Variants in EHBP1 observed in about 807,000 individuals in gnomAD.
EHBP1 encodes EH domain binding protein 1.
EHBP1 carries 55 observed loss-of-function variants against 144.0 expected under a neutral mutation model. The ratio of observed to expected loss-of-function variants is 0.38; its 90% confidence interval spans 0.31 to 0.48. EHBP1 has a LOEUF of 0.48. Among genes scored for constraint, EHBP1 ranks in the 20% least tolerant of loss-of-function variants. EHBP1 has a pLI of 0.98. For synonymous variants in EHBP1, 469 were observed against 472.7 expected (o/e 0.99, Z 0.10); for missense variants, 1,200 against 1,364.2 (o/e 0.88, Z 1.90).
intron 14 of EHBP1, among the ~76,000 whole-genome samples, chr2:62,959,179 T>C (rs983820197): frequency 1.3e-5 from 2 of 152,224 alleles, no homozygotes; most frequent in African/African-American, 4.8e-5. Flanking sequence ...TCATCAAGGC[T>C]CATCTATGTT....
chr2:62,981,406 A>G (rs2058964704), intron 15 of EHBP1, among the ~76,000 whole-genome samples: 1 of 152,236 alleles, frequency 6.6e-6, no homozygotes, highest in Non-Finnish European at 1.5e-5. Flanking sequence ...TTCCTGTGGC[A>G]TCATAAAGCC....
In EHBP1 at chr2:63,036,740, C is replaced by CCAAA. The variant is rs144571787; in HGVS notation, c.3104-792_3104-789dup. ...TGGCCTACTTCTACATGAACAAATG[C>CCAAA]CAAACATATACTATATTATAATCCT... is the stretch of plus-strand genomic sequence containing the variant. On this transcript the variant is annotated intron_variant, in intron 19 of 22. Coordinates refer to ENST00000431489, the MANE Select transcript of EHBP1 (RefSeq NM_001142616.3). 5.3e-3 allele frequency among the ~76,000 whole-genome samples: 808 copies of CCAAA among 151,882 alleles called. 6 individuals carry two copies. The highest frequency in any genetic ancestry group is 0.019 in the African/African-American group (773 of 41,474).
chr2:62,809,292 GAAAAAAAAAA>G (rs985494969), intron 5 of EHBP1, among the ~76,000 whole-genome samples: 1 of 46,574 alleles, frequency 2.1e-5, no homozygotes, highest in Non-Finnish European at 4.5e-5. Flanking sequence ...CTATGTCTCA[GAAAAAAAAAA>G]AAAAAAAAAA....
At chr2:62,858,498 A>T (rs2152788867) in intron 7 of EHBP1, 1 of 1,609,808 alleles carries the variant, frequency 6.2e-7, no homozygotes, top group South Asian at 1.1e-5. Context: ...TAAATCAGCC[A>T]GTTCCTCTGA....
At chr2:62,709,043 A>C (rs1490548824) in intron 2 of EHBP1, among the ~76,000 whole-genome samples, 1 of 152,200 alleles carries the variant, frequency 6.6e-6, no homozygotes, top group Non-Finnish European at 1.5e-5. Context: ...CAGAAGAGAC[A>C]TTAGGTTTGC....
chr2:62,788,703 C>G (rs1284509828), intron 5 of EHBP1, among the ~76,000 whole-genome samples: 1 of 152,058 alleles, frequency 6.6e-6, no homozygotes, highest in Non-Finnish European at 1.5e-5. Flanking sequence ...TTATATTCTT[C>G]TTACCTGTTT....
At chr2:62,749,141 C>A (rs1476794983) in intron 3 of EHBP1, among the ~76,000 whole-genome samples, 1 of 152,140 alleles carries the variant, frequency 6.6e-6, no homozygotes, top group African/African-American at 2.4e-5. Context: ...CCCATCCCCC[C>A]ACCCCACAAC....
chr2:62,881,373 A>G (rs544486302), intron 10 of EHBP1, among the ~76,000 whole-genome samples: 1 of 150,324 alleles, frequency 6.7e-6, no homozygotes, highest in African/African-American at 2.4e-5. Flanking sequence ...ACAAACCCAC[A>G]CATGTACGTC....
chr2:62,680,174 T>A (rs1158188913), intron 1 of EHBP1, among the ~76,000 whole-genome samples: 3 of 152,208 alleles, frequency 2.0e-5, no homozygotes, highest in Non-Finnish European at 2.9e-5. Flanking sequence ...AAAGTTCTAT[T>A]TTTAGCTGGA....
chr2:62,865,164 G>A (rs982822625), intron 9 of EHBP1, among the ~76,000 whole-genome samples, 193 bp downstream of exon 9: 1 of 152,166 alleles, frequency 6.6e-6, no homozygotes, highest in African/African-American at 2.4e-5. Context: ...ATGTGTGTGT[G>A]TACCCTAAAC....
intron 5 of EHBP1, among the ~76,000 whole-genome samples, chr2:62,779,195 A>G (rs2042254243): frequency 6.6e-6 from 1 of 152,104 alleles, no homozygotes; most frequent in African/African-American, 2.4e-5. Flanking sequence ...ATTCCATTTA[A>G]TGTTCCACCC....
At chr2:62,946,834 G>T (rs371075316) in intron 12 of EHBP1, among the ~76,000 whole-genome samples, 4 of 152,206 alleles carry the variant, frequency 2.6e-5, no homozygotes, top group East Asian at 1.9e-4. Flanking sequence ...TGTAATTAGT[G>T]TACATAAAAT....
intron 3 of EHBP1, among the ~76,000 whole-genome samples, chr2:62,752,362 G>T (rs1454187121): frequency 6.6e-6 from 1 of 152,104 alleles, no homozygotes; most frequent in Non-Finnish European, 1.5e-5. Flanking sequence ...TTTAATTTCT[G>T]TTCTTTTACA....
intron 1 of EHBP1, among the ~76,000 whole-genome samples, chr2:62,682,479 T>C (rs2151731235): frequency 6.6e-6 from 1 of 152,328 alleles, no homozygotes; most frequent in South Asian, 2.1e-4. Flanking sequence ...GTGAACAGTT[T>C]TTATAGCAGC....
chr2:62,961,367 C>G (rs1218082653), intron 14 of EHBP1, among the ~76,000 whole-genome samples: 6 of 152,120 alleles, frequency 3.9e-5, no homozygotes, highest in African/African-American at 1.4e-4. Context: ...ACTCCTTTAA[C>G]CTGTTTCATT....
chr2:62,977,956 A>G (rs983787879), intron 14 of EHBP1, among the ~76,000 whole-genome samples: 1 of 152,120 alleles, frequency 6.6e-6, no homozygotes, highest in Non-Finnish European at 1.5e-5. Context: ...GCTCATTCCA[A>G]GAAAAAGAAA....
At chr2:62,772,326 G>T (rs966946035) in intron 5 of EHBP1, among the ~76,000 whole-genome samples, 5 of 152,118 alleles carry the variant, frequency 3.3e-5, no homozygotes, top group African/African-American at 9.7e-5. Flanking sequence ...TTTACATGTT[G>T]TGGAATCCCA....
intron 7 of EHBP1, among the ~76,000 whole-genome samples, chr2:62,844,781 A>G (rs948478749): frequency 4.6e-5 from 7 of 152,176 alleles, no homozygotes; most frequent in Admixed American, 2.0e-4. Context: ...AAGACCCCTG[A>G]TATTCTTAAA....
intron 9 of EHBP1, among the ~76,000 whole-genome samples, chr2:62,869,258 A>G (rs1478856029): frequency 2.6e-5 from 4 of 152,214 alleles, no homozygotes; most frequent in Non-Finnish European, 4.4e-5. Flanking sequence ...AAAAAGTTAA[A>G]CATACATGTA....
Sources: gnomAD v4.1 joint callset for allele counts (sites outside exome capture counted in the v4.1 genomes callset) on GRCh38, gnomAD v4.1.1 for gene constraint, MANE v1.5 for transcripts, NCBI Gene and HGNC (gene_info 2026-07-23, HGNC 2026-07-21) for gene names.